Variants in PREX1 observed in about 807,000 individuals in gnomAD.
PREX1 encodes the protein phosphatidylinositol-3,4,5-trisphosphate dependent Rac exchange factor 1.
In PREX1, 41 loss-of-function variants were observed where a neutral mutation model predicts 198.3. The observed-to-expected ratio is 0.21, with a 90% CI of 0.16 to 0.27. The LOEUF is 0.27. PREX1 is among the 10% of genes least tolerant of loss of function. PREX1 has a pLI of 1.00. For synonymous variants in PREX1, 843 were observed against 887.2 expected (o/e 0.95, Z 0.89); for missense variants, 1,620 against 2,200.7 (o/e 0.74, Z 5.28).
At chr20:48,680,811 CT>C (rs1370370871) in intron 11 of PREX1, among the ~76,000 whole-genome samples, 1 of 152,180 alleles carries the variant, frequency 6.6e-6, no homozygotes, top group East Asian at 1.9e-4. Context: ...GTTTTACTAT[CT>C]TGCTTTGTAA....
intron 25 of PREX1, among the ~76,000 whole-genome samples, chr20:48,647,299 G>A (rs1465516592): frequency 2.6e-5 from 4 of 151,942 alleles, no homozygotes; most frequent in Non-Finnish European, 4.4e-5. Flanking sequence ...AAGGCGGGTG[G>A]GTCACGAGAT....
At chr20:48,836,881 G>A in the PREX1 span, among the ~76,000 whole-genome samples, 19 of 124,590 alleles carry the variant, frequency 1.5e-4, no homozygotes, top group Admixed American at 3.1e-4. Context: ...CCACCTGGGC[G>A]ACAGAGTGAG....
At chr20:48,887,956 ATAAAT>A in the PREX1 span, among the ~76,000 whole-genome samples, 4 of 151,878 alleles carry the variant, frequency 2.6e-5, no homozygotes, top group Non-Finnish European at 4.4e-5. Context: ...TCTCAAAAAA[ATAAAT>A]TAAATAAATA....
intron 1 of PREX1, among the ~76,000 whole-genome samples, chr20:48,752,146 A>G (rs538449777): frequency 6.6e-6 from 1 of 152,294 alleles, no homozygotes; most frequent in East Asian, 1.9e-4. Context: ...TCAAACCTCC[A>G]TGTATTAAGT....
At chr20:48,633,995 A>C (rs1393159191) in intron 33 of PREX1, among the ~76,000 whole-genome samples, 1 of 151,516 alleles carries the variant, frequency 6.6e-6, no homozygotes, top group African/African-American at 2.4e-5. Context: ...GGTTGGATGG[A>C]TGGATGGATG....
At chr20:48,876,412 T>G in the PREX1 span, among the ~76,000 whole-genome samples, 2 of 152,196 alleles carry the variant, frequency 1.3e-5, no homozygotes. Flanking sequence ...AGTGCTTATC[T>G]TATCAAACAA....
Position 48,639,910 on chromosome 20 carries a change from G to A in PREX1, c.3776-16C>T, listed in dbSNP as rs746114429. 6.2e-7 allele frequency: 1 copy of A among 1,613,460 alleles called. No individual in the cohort carries two copies. Among genetic ancestry groups the A allele is most frequent in the Non-Finnish European group, 8.5e-7 (1 of 1,179,528 alleles). The stretch of plus-strand genomic sequence containing the variant: ...TGTTTAAACTCTGGGGCAGGAAAGT[G>A]GCATGAGGGCCAGGGAAGGGACGGA... On this transcript the variant is annotated splice_polypyrimidine_tract_variant and intron_variant, in intron 29 of 39. Transcript: ENST00000371941.
chr20:48,736,117 G>A (rs568124508), intron 3 of PREX1, among the ~76,000 whole-genome samples: 1 of 152,110 alleles, frequency 6.6e-6, no homozygotes, highest in Non-Finnish European at 1.5e-5. Context: ...CTTAATATAT[G>A]TGAAATGAGT....
chr20:48,642,161 C>T lies in PREX1; in HGVS notation c.3775+7G>A, dbSNP rs1474126980. 1.9e-6 allele frequency: 3 copies of T among 1,613,662 alleles called. No individual in the cohort carries two copies. The highest frequency in any genetic ancestry group is 2.5e-6 in the Non-Finnish European group (3 of 1,179,560). On this transcript the variant is annotated splice_region_variant and intron_variant, in intron 29 of 39. Transcript: ENST00000371941. ...AGGCTGTCACCTTGGACTGGCTATC[C>T]CCTCACCTTGTAAGCTGTGGTTCAT...
chr20:48,666,961 G>A lies in PREX1; in HGVS notation c.1666-606C>T, dbSNP rs188035094. ...GCAACACCTTTCCCATTCCTCCCTG[G>A]TCAAGAAGCCCTCATCCATCTCCAG... On this transcript the variant is annotated intron_variant, in intron 14 of 39. Coordinates refer to ENST00000371941, the MANE Select transcript of PREX1 (RefSeq NM_020820.4). This position sits in a 1 kb window ranked among gnomAD's most constrained non-coding sequence, Gnocchi z 4.3. Among the ~76,000 whole-genome samples the A allele has an allele frequency of 3.8e-4, 58 of 152,244 alleles. No homozygotes were observed. Among genetic ancestry groups the A allele is most frequent in the African/African-American group, 1.4e-3 (57 of 41,522 alleles).
At position 48,653,906 on chromosome 20, in the gene PREX1, A is replaced by G. The variant is rs111993439; in HGVS notation, c.2210-409T>C. Reference sequence around the variant, plus strand: ...AGAAGCCAGGATTCCAACCAGGCCTATGAGACTCCAAGGGCAAGGTTTTTC... The same window carrying G: ...AGAAGCCAGGATTCCAACCAGGCCTGTGAGACTCCAAGGGCAAGGTTTTTC... On this transcript the variant is annotated intron_variant, in intron 19 of 39. Coordinates refer to ENST00000371941, the MANE Select transcript of PREX1 (RefSeq NM_020820.4). 1.2e-3 allele frequency among the ~76,000 whole-genome samples: 177 copies of G among 152,358 alleles called. 1 individual carries two copies. The highest frequency in any genetic ancestry group is 1.9e-3 in the Non-Finnish European group (126 of 68,032).
At chr20:48,839,986 G>T in the PREX1 span, among the ~76,000 whole-genome samples, 1 of 152,044 alleles carries the variant, frequency 6.6e-6, no homozygotes, top group African/African-American at 2.4e-5. Flanking sequence ...ATGCTTTAAG[G>T]CCTGTTTATT....
chr20:48,815,578 C>T (rs995158116), intron 1 of PREX1, among the ~76,000 whole-genome samples: 5 of 152,196 alleles, frequency 3.3e-5, no homozygotes, highest in Non-Finnish European at 7.3e-5. Context: ...CGTAAATGTC[C>T]CCTGGGAGAA....
the PREX1 span, among the ~76,000 whole-genome samples, chr20:48,860,551 A>G: frequency 2.0e-5 from 3 of 152,228 alleles, no homozygotes; most frequent in African/African-American, 4.8e-5. Context: ...TACCACAACT[A>G]AAAATTCCTT....
intron 1 of PREX1, among the ~76,000 whole-genome samples, chr20:48,821,120 T>G (rs2090482531): frequency 6.6e-6 from 1 of 152,092 alleles, no homozygotes; most frequent in Non-Finnish European, 1.5e-5. Context: ...GAGAATCGCT[T>G]GAACCCGGGA....
At chr20:48,769,500 G>A (rs2090225151) in intron 1 of PREX1, among the ~76,000 whole-genome samples, 1 of 152,168 alleles carries the variant, frequency 6.6e-6, no homozygotes, top group Non-Finnish European at 1.5e-5. Context: ...TTGCCTTTCT[G>A]CTTAAAATCC....
At chr20:48,709,776 C>T (rs2089922123) in intron 5 of PREX1, among the ~76,000 whole-genome samples, 1 of 152,210 alleles carries the variant, frequency 6.6e-6, no homozygotes, top group Non-Finnish European at 1.5e-5. Context: ...TTAGCATTCT[C>T]CTTGCTGTAT....
At chr20:48,786,064 G>A (rs2122942386) in intron 1 of PREX1, among the ~76,000 whole-genome samples, 1 of 152,304 alleles carries the variant, frequency 6.6e-6, no homozygotes, top group East Asian at 1.9e-4. Flanking sequence ...AAGAGAATGG[G>A]GCTGGGCTGG....
At chr20:48,635,308 T>C (rs1437751111) in intron 32 of PREX1, among the ~76,000 whole-genome samples, 1 of 152,028 alleles carries the variant, frequency 6.6e-6, no homozygotes, top group African/African-American at 2.4e-5. Context: ...GGTTCAAGGG[T>C]CCACCATCTC....
Sources: allele counts gnomAD v4.1 joint callset (sites outside exome capture counted in the v4.1 genomes callset), GRCh38; gene constraint gnomAD v4.1.1; non-coding constraint Gnocchi (gnomAD v3.1); transcripts MANE v1.5; gene names NCBI Gene and HGNC (gene_info 2026-07-23, HGNC 2026-07-21).